DAPK1: variants seen among roughly 807,000 people sequenced by gnomAD.
DAPK1 encodes death associated protein kinase 1.
A neutral mutation model predicts 144.9 loss-of-function variants in DAPK1; 56 were observed. That is an observed-to-expected ratio of 0.39 (90% confidence interval 0.31 to 0.48). DAPK1 has a LOEUF of 0.48. Among genes scored for constraint, DAPK1 ranks in the 20% least tolerant of loss-of-function variants. DAPK1 has a pLI of 0.95. For synonymous variants in DAPK1, 690 were observed against 749.0 expected (o/e 0.92, Z 1.29); for missense variants, 1,454 against 1,875.4 (o/e 0.78, Z 4.15).
chr9:87,539,170 ACT>A (rs1218711780), intron 2 of DAPK1, among the ~76,000 whole-genome samples: 1 of 151,390 alleles, frequency 6.6e-6, no homozygotes, highest in Admixed American at 6.6e-5. Context: ...CTTTATGAAA[ACT>A]CTTTGTATGT....
chr9:87,568,880 C>G (rs1827231764), intron 2 of DAPK1, among the ~76,000 whole-genome samples: 1 of 152,170 alleles, frequency 6.6e-6, no homozygotes, highest in African/African-American at 2.4e-5. Flanking sequence ...GAACTCATTT[C>G]TTGTCCTCAG....
At chr9:87,533,458 A>C (rs1192917226) in intron 2 of DAPK1, among the ~76,000 whole-genome samples, 2 of 152,178 alleles carry the variant, frequency 1.3e-5, no homozygotes, top group African/African-American at 4.8e-5. Context: ...CCTCAGGCCA[A>C]CTCAGGCTGG....
At chr9:87,669,930 C>G (rs1296423428) in intron 19 of DAPK1, among the ~76,000 whole-genome samples, 1 of 152,096 alleles carries the variant, frequency 6.6e-6, no homozygotes, top group African/African-American at 2.4e-5. Flanking sequence ...GAGAACTGGC[C>G]TCAGAGGCAC....
At chr9:87,548,796 G>A (rs1295442493) in intron 2 of DAPK1, among the ~76,000 whole-genome samples, 2 of 151,302 alleles carry the variant, frequency 1.3e-5, no homozygotes, top group Non-Finnish European at 2.9e-5. Context: ...GTCTTCCTGT[G>A]TATGTTTGAA....
intron 13 of DAPK1, 31 bp from the exon 14 acceptor site, chr9:87,647,274 G>T: frequency 6.3e-7 from 1 of 1,584,570 alleles, no homozygotes; most frequent in East Asian, 2.2e-5. Flanking sequence ...CAGCTCCCTA[G>T]AAATGTGACC....
intron 2 of DAPK1, among the ~76,000 whole-genome samples, chr9:87,601,145 G>C (rs1039404713): frequency 6.6e-6 from 1 of 152,244 alleles, no homozygotes; most frequent in Admixed American, 6.5e-5. Flanking sequence ...GATCGGAGCA[G>C]CAATTCACCA....
Position 87,651,709 on chromosome 9 carries a change from G to A in DAPK1, c.1809G>A (p.Leu603=), listed in dbSNP as rs1830449551. The A allele has an allele frequency of 6.2e-7, 1 of 1,613,922 alleles. No homozygotes were observed. ...VVALCEANCN[L]DISNKYGRTP... ...CCCTCTGTGAAGCAAACTGCAATTT[G>A]GACATCTCCAACAAGGTATGCACAG... is the stretch of plus-strand genomic sequence containing the variant. Residue 603 remains leucine, a synonymous_variant, in exon 17 of 26, where the codon TTG becomes TTA. Transcript: ENST00000408954.
intron 2 of DAPK1, among the ~76,000 whole-genome samples, chr9:87,557,030 T>G (rs2118617208): frequency 6.6e-6 from 1 of 152,128 alleles, no homozygotes; most frequent in Non-Finnish European, 1.5e-5. Context: ...GATTCATATC[T>G]CATAAAGAAC....
At chr9:87,546,985 C>G (rs908663988) in intron 2 of DAPK1, among the ~76,000 whole-genome samples, 1 of 152,058 alleles carries the variant, frequency 6.6e-6, no homozygotes. Flanking sequence ...GGCAAAACCC[C>G]GTCTCTACAA....
At chr9:87,518,098 T>TG (rs1458717553) in intron 2 of DAPK1, among the ~76,000 whole-genome samples, 2,848 of 83,966 alleles carry the variant, frequency 0.034, 113 homozygotes, top group South Asian at 0.11. Flanking sequence ...TTGCCGTTTA[T>TG]GTTGTTGTTT....
At chr9:87,664,320 C>A (rs1056632412) in intron 18 of DAPK1, among the ~76,000 whole-genome samples, 2 of 152,148 alleles carry the variant, frequency 1.3e-5, no homozygotes, top group Non-Finnish European at 2.9e-5. Context: ...TCACCCCCTG[C>A]GCATAGTGTG....
intron 19 of DAPK1, among the ~76,000 whole-genome samples, chr9:87,673,703 C>T (rs950244014): frequency 2.6e-5 from 4 of 152,248 alleles, no homozygotes; most frequent in African/African-American, 9.6e-5. Context: ...TGTCCCTGAG[C>T]GCCGAGCTTG....
chr9:87,679,321 G>T (rs915978187), intron 19 of DAPK1, among the ~76,000 whole-genome samples: 25 of 152,230 alleles, frequency 1.6e-4, no homozygotes, highest in African/African-American at 5.8e-4. Context: ...TTGTGGGTTT[G>T]TGGGAACCCA....
chr9:87,553,491 C>CTTTCT (rs1563989665), intron 2 of DAPK1: 2 of 144,544 alleles, frequency 1.4e-5, no homozygotes. Context: ...TTTTTCTTTT[C>CTTTCT]TTTTCTTTTT....
rs569595586 is a variant in DAPK1 at position 87,562,927 on chromosome 9, A to G, written c.63-42027A>G. 8.5e-5 allele frequency among the ~76,000 whole-genome samples: 13 copies of G among 152,348 alleles called. No homozygotes were observed. In the South Asian group the frequency reaches 2.5e-3, roughly 29 times the overall value. On this transcript the variant is annotated intron_variant, in intron 2 of 25. Coordinates refer to ENST00000408954, the MANE Select transcript of DAPK1 (RefSeq NM_004938.4). ...GCATGATGACTTGCTCAGCTTTTTT[A>G]TAGAACCTCAAACAAGTGCTGACCT...
At chr9:87,626,958 G>A (rs1479348842) in intron 3 of DAPK1, among the ~76,000 whole-genome samples, 2 of 152,154 alleles carry the variant, frequency 1.3e-5, no homozygotes, top group African/African-American at 2.4e-5. Flanking sequence ...GGGATGGGGA[G>A]GGCCAGTACT....
chr9:87,681,070 G>C (rs1422119413), intron 19 of DAPK1, among the ~76,000 whole-genome samples: 1 of 152,124 alleles, frequency 6.6e-6, no homozygotes, highest in Non-Finnish European at 1.5e-5. Context: ...CCTGAGGTCG[G>C]GAGTTCGAGA....
At chr9:87,684,514 T>C (rs1824763736) in intron 20 of DAPK1, among the ~76,000 whole-genome samples, 1 of 152,214 alleles carries the variant, frequency 6.6e-6, no homozygotes, top group Non-Finnish European at 1.5e-5. Context: ...TTGAGAACGC[T>C]GGAGGCCAAG....
chr9:87,700,594 G>C (rs1031062813), intron 24 of DAPK1, among the ~76,000 whole-genome samples: 8 of 152,068 alleles, frequency 5.3e-5, no homozygotes, highest in Non-Finnish European at 7.4e-5. Flanking sequence ...GAACTCCAGG[G>C]CTCAAGCAAT....
Sources: gnomAD v4.1 joint callset for allele counts (sites outside exome capture counted in the v4.1 genomes callset) on GRCh38, gnomAD v4.1.1 for gene constraint, MANE v1.5 for transcripts, NCBI Gene and HGNC (gene_info 2026-07-23, HGNC 2026-07-21) for gene names.